Variants in ITSN1 observed in about 807,000 individuals in gnomAD.
ITSN1 encodes intersectin-1.
In ITSN1, 58 loss-of-function variants were observed where a neutral mutation model predicts 239.8. That is an observed-to-expected ratio of 0.24 (90% CI 0.20 to 0.30). ITSN1 has a LOEUF of 0.30. Among genes scored for constraint, ITSN1 ranks in the 10% least tolerant of loss-of-function variants. The pLI is 1.00. For missense variants in ITSN1, 1,558 were observed against 2,103.3 expected, an observed-to-expected ratio of 0.74 and a Z score of 5.07; for synonymous variants, 780 against 770.8, an observed-to-expected ratio of 1.01 and a Z score of -0.20.
chr21:33,671,093 T>G (rs1220140126), intron 1 of ITSN1, among the ~76,000 whole-genome samples: 1 of 152,210 alleles, frequency 6.6e-6, no homozygotes, highest in African/African-American at 2.4e-5. Flanking sequence ...TAGAGAAACA[T>G]TCAAAAGTCG....
chr21:33,736,496 A>G (rs557531934), intron 5 of ITSN1, among the ~76,000 whole-genome samples: 1 of 152,366 alleles, frequency 6.6e-6, no homozygotes, highest in Admixed American at 6.5e-5. Flanking sequence ...AAATCCATAT[A>G]TGAGCAAAGG....
chr21:33,673,641 A>G (rs915311577), intron 1 of ITSN1, among the ~76,000 whole-genome samples: 1 of 151,218 alleles, frequency 6.6e-6, no homozygotes, highest in Non-Finnish European at 1.5e-5. Context: ...GTCTTGTCGG[A>G]ACCTACCCCT....
intron 29 of ITSN1, chr21:33,836,928 A>C (rs2074634710): frequency 7.0e-7 from 1 of 1,436,264 alleles, no homozygotes. Context: ...TCATTTTCCT[A>C]GCTTGAATTT....
intron 1 of ITSN1, among the ~76,000 whole-genome samples, chr21:33,690,786 TATAC>T (rs1390245389): frequency 1.1e-4 from 1 of 8,810 alleles, no homozygotes; most frequent in East Asian, 7.6e-4. Context: ...TATATATATA[TATAC>T]ATATATATAT....
At position 33,782,057 on chromosome 21, in the gene ITSN1, G is replaced by A. The variant is rs756781441; in HGVS notation, c.1748G>A (p.Arg583Gln). Reference sequence around the variant, plus strand: ...AAAGAACTAGCTCGGCAGCACCTACGAGACCAACTGGATGAAGTGGAGAAA... The same window carrying A: ...AAAGAACTAGCTCGGCAGCACCTACAAGACCAACTGGATGAAGTGGAGAAA... ...EAKELARQHL[R>Q]DQLDEVEKET... Residue 583 changes from arginine to glutamine, a missense_variant, in exon 16 of 40, where the codon CGA becomes CAA. Physicochemically the swap from Arg to Gln is conservative, Grantham distance 43. Transcript: ENST00000381318. 4 of 1,613,588 alleles carry A rather than the reference G, an allele frequency of 2.5e-6. No individual in the cohort carries two copies. The highest frequency in any genetic ancestry group is 2.2e-5 in the East Asian group (1 of 44,886).
At chr21:33,816,860 A>T (rs73352145) in intron 22 of ITSN1, among the ~76,000 whole-genome samples, 4,153 of 152,196 alleles carry the variant, frequency 0.027, 131 homozygotes, top group African/African-American at 0.08. Flanking sequence ...GCTCTGAGGG[A>T]CTTGAAGGAG....
rs200952715 is a variant in ITSN1, at chr21:33,861,948, A to AAAATAAAT, written c.3890+3172_3890+3179dup. 2.9e-3 allele frequency among the ~76,000 whole-genome samples: 418 copies of AAAATAAAT among 141,920 alleles called. 1 individual carries two copies. The highest frequency in any genetic ancestry group is 0.011 in the African/African-American group (394 of 36,270). The allele number at this position is 141,920 out of a possible 152,430, so 93.1% of individuals were successfully genotyped here. On this transcript the variant is annotated intron_variant, in intron 31 of 39. Coordinates refer to ENST00000381318, the MANE Select transcript of ITSN1 (RefSeq NM_003024.3). ...GCGACAGAGTGAGACTCCGTCTCAA[A>AAAATAAAT]AAATAAATAAATAAATAAATAAAAA...
At chr21:33,769,289 T>C (rs2068940050) in intron 11 of ITSN1, among the ~76,000 whole-genome samples, 1 of 152,206 alleles carries the variant, frequency 6.6e-6, no homozygotes, top group African/African-American at 2.4e-5. Context: ...AGAGATTTCA[T>C]TTGTGCATTC....
intron 22 of ITSN1, chr21:33,814,522 A>G (rs1265889493): frequency 6.3e-6 from 1 of 159,370 alleles, no homozygotes; most frequent in African/African-American, 2.4e-5. Flanking sequence ...AGGCTCTGAA[A>G]TGCCCTGCTC....
intron 29 of ITSN1, chr21:33,838,258 C>T: frequency 1.0e-6 from 1 of 985,356 alleles, no homozygotes; most frequent in Non-Finnish European, 1.2e-6. Flanking sequence ...CTGTAATGCT[C>T]ACTCCCCTCG....
chr21:33,821,626 C>G (rs2073682454), intron 24 of ITSN1, among the ~76,000 whole-genome samples: 1 of 152,176 alleles, frequency 6.6e-6, no homozygotes, highest in African/African-American at 2.4e-5. Context: ...AAGCCACTCT[C>G]AGATGTCTTT....
At chr21:33,810,819 T>C (rs1165496562) in intron 20 of ITSN1, 156 bp from the exon 21 acceptor site, 2 of 887,882 alleles carry the variant, frequency 2.3e-6, no homozygotes, top group African/African-American at 1.6e-5. Context: ...CATTACTGCT[T>C]AGACTCTTTT....
intron 1 of ITSN1, among the ~76,000 whole-genome samples, chr21:33,714,096 C>T (rs1214272989): frequency 6.6e-6 from 1 of 151,814 alleles, no homozygotes; most frequent in Non-Finnish European, 1.5e-5. Context: ...TCCCAAAGTG[C>T]TGGAATTACA....
At chr21:33,839,466 G>T (rs2074750831) in intron 29 of ITSN1, among the ~76,000 whole-genome samples, 1 of 152,180 alleles carries the variant, frequency 6.6e-6, no homozygotes, top group African/African-American at 2.4e-5. Context: ...GGCTATTGTA[G>T]ATGGAGCTGT....
intron 1 of ITSN1, among the ~76,000 whole-genome samples, chr21:33,680,623 G>T (rs1172910744): frequency 1.3e-5 from 2 of 152,210 alleles, no homozygotes; most frequent in African/African-American, 4.8e-5. Flanking sequence ...GAGCCGATGT[G>T]CGTGGCCTGG....
intron 32 of ITSN1, among the ~76,000 whole-genome samples, chr21:33,866,397 C>A (rs1981586511): frequency 6.6e-6 from 1 of 152,080 alleles, no homozygotes; most frequent in African/African-American, 2.4e-5. Context: ...TGGGCTCTTC[C>A]TAGGCCCGAG....
At chr21:33,700,013 C>T (rs896987025) in intron 1 of ITSN1, among the ~76,000 whole-genome samples, 4 of 152,030 alleles carry the variant, frequency 2.6e-5, no homozygotes, top group Non-Finnish European at 5.9e-5. Flanking sequence ...CCTCCTGCCT[C>T]AGCTTCCCAA....
intron 29 of ITSN1, chr21:33,838,378 G>A (rs545138437): frequency 2.2e-5 from 22 of 985,192 alleles, no homozygotes; most frequent in Middle Eastern, 1.0e-3. Flanking sequence ...TTGCACTTCA[G>A]TATTTTCACG....
intron 16 of ITSN1, among the ~76,000 whole-genome samples, chr21:33,788,501 C>T (rs1052702873): frequency 7.2e-5 from 11 of 152,118 alleles, no homozygotes; most frequent in Non-Finnish European, 2.9e-5. Context: ...GAGTTCGAGG[C>T]GAGTGGATCA....
Sources: gnomAD v4.1 joint callset for allele counts (sites outside exome capture counted in the v4.1 genomes callset) on GRCh38, gnomAD v4.1.1 for gene constraint, MANE v1.5 for transcripts, NCBI Gene and HGNC (gene_info 2026-07-23, HGNC 2026-07-21) for gene names.